RARA: variants seen among roughly 807,000 people sequenced by gnomAD.
RARA encodes PML-DDX5-RARA fusion.
A neutral mutation model predicts 42.8 loss-of-function variants in RARA; 5 were observed. That is an observed-to-expected ratio of 0.12 (90% CI 0.06 to 0.25). The LOEUF is 0.25. Ranked by LOEUF, RARA falls within the 10% of genes least tolerant of loss-of-function variation. The pLI is 1.00. For missense variants in RARA, 402 were observed against 628.7 expected, an observed-to-expected ratio of 0.64 and a Z score of 3.86; for synonymous variants, 256 against 259.5, an observed-to-expected ratio of 0.99 and a Z score of 0.13.
chr17:40,341,607 C>A (rs532579180), intron 2 of RARA: 1 of 1,356,248 alleles, frequency 7.4e-7, no homozygotes, highest in African/African-American at 1.5e-5. Context: ...GGTGATGTCA[C>A]GGGCAGCGGT....
chr17:40,348,099 C>T, intron 2 of RARA: 2 of 454,904 alleles, frequency 4.4e-6, no homozygotes, highest in East Asian at 3.6e-5. Context: ...AGGTGGGGGT[C>T]CTAGGAGTCC....
At chr17:40,353,969 G>A (rs1296374353) in intron 6 of RARA, among the ~76,000 whole-genome samples, 2 of 152,204 alleles carry the variant, frequency 1.3e-5, no homozygotes, top group South Asian at 2.1e-4. Flanking sequence ...TTCTTTGCAT[G>A]TAGGCAGGAT....
At chr17:40,341,684 G>A in intron 2 of RARA, 1 of 1,334,336 alleles carries the variant, frequency 7.5e-7, no homozygotes, top group African/African-American at 1.5e-5. Flanking sequence ...CATTGCATTA[G>A]GCAAATGAGG....
chr17:40,344,273 C>G (rs950186602), intron 2 of RARA, among the ~76,000 whole-genome samples: 5 of 152,140 alleles, frequency 3.3e-5, no homozygotes, highest in Admixed American at 2.0e-4. Flanking sequence ...CCTCTAGGGC[C>G]GAATCTGCTG....
In RARA at chr17:40,352,174, T is replaced by C. The variant is rs2143500704; in HGVS notation, c.630+104T>C. 3 of 1,477,116 alleles carry C rather than the reference T, an allele frequency of 2.0e-6. No homozygotes were observed. Among genetic ancestry groups the C allele is most frequent in the East Asian group, 4.7e-5 (2 of 42,188 alleles). 91.5% of individuals were successfully genotyped at this position (1,477,116 alleles called of 1,614,324 possible). ...TCTTGTGCCAGGCAAGATCTCTGCG[T>C]CCTTCCCTTCCCCTCTCTTCTCCCT... On this transcript the variant is annotated intron_variant, in intron 5 of 8. Coordinates refer to ENST00000254066, the MANE Select transcript of RARA (RefSeq NM_000964.4). This position sits in a 1 kb window ranked among gnomAD's most constrained non-coding sequence, Gnocchi z 4.9.
intron 3 of RARA, 125 bp from the exon 4 acceptor site, chr17:40,349,659 T>A: frequency 8.0e-7 from 1 of 1,243,534 alleles, no homozygotes. Context: ...CCTGCTCAGG[T>A]AGGCGATGGG....
intron 2 of RARA, among the ~76,000 whole-genome samples, chr17:40,344,653 G>A (rs774896538): frequency 6.6e-6 from 1 of 152,222 alleles, no homozygotes; most frequent in Non-Finnish European, 1.5e-5. Context: ...GTGGAGACCT[G>A]TCCCCACATC....
At chr17:40,334,555 G>A (rs1293345962) in intron 2 of RARA, among the ~76,000 whole-genome samples, 1 of 152,180 alleles carries the variant, frequency 6.6e-6, no homozygotes, top group Non-Finnish European at 1.5e-5. Flanking sequence ...ATTATCACAT[G>A]CCTGGCCTCA....
intron 1 of RARA, among the ~76,000 whole-genome samples, chr17:40,328,686 A>G (rs2033610563): frequency 1.3e-5 from 2 of 152,234 alleles, no homozygotes; most frequent in Admixed American, 1.3e-4. Context: ...GAATCCTACA[A>G]TACATGGTCT....
In RARA at chr17:40,331,500, G is replaced by A. The variant is rs185945409; in HGVS notation, c.178+104G>A. ...CTGTTCTGCTGTGAGTGGAAGGCACGGTGAGCGACAAGGTCTTCTCCAGTT... is the reference window on the plus strand; with the variant it reads ...CTGTTCTGCTGTGAGTGGAAGGCACAGTGAGCGACAAGGTCTTCTCCAGTT... On this transcript the variant is annotated intron_variant, in intron 2 of 8. Transcript: ENST00000254066. 8.3e-4 allele frequency: 1,111 copies of A among 1,335,406 alleles called. 7 individuals are homozygous for A. The African/African-American group carries it at 0.01, about 12-fold the overall frequency. 82.7% of individuals were successfully genotyped at this position (1,335,406 alleles called of 1,614,324 possible).
rs748455062 is a variant in RARA at position 40,356,669 on chromosome 17, CA to C, written c.*444del. ...TCGGTTGGTGACAGAGGGGGTGGGACAGGGGCGGGGGGTTCCCCCTGTACAT... is the reference window on the plus strand; with the variant it reads ...TCGGTTGGTGACAGAGGGGGTGGGACGGGGCGGGGGGTTCCCCCTGTACAT... On this transcript the variant is annotated 3_prime_UTR_variant, in exon 9 of 9. Transcript: ENST00000254066. 38 of 536,454 alleles carry C rather than the reference CA, an allele frequency of 7.1e-5. No homozygotes were observed. Among genetic ancestry groups the C allele is most frequent in the African/African-American group, 5.9e-4 (32 of 53,934 alleles). 33.2% of individuals were successfully genotyped at this position (536,454 alleles called of 1,614,324 possible). A position where few individuals can be genotyped will look rare whatever the true frequency, so the allele number is the denominator to read the frequency against.
At chr17:40,353,576 C>T (rs1423359981) in intron 6 of RARA, among the ~76,000 whole-genome samples, 11 of 152,214 alleles carry the variant, frequency 7.2e-5, no homozygotes, top group Non-Finnish European at 1.3e-4. Flanking sequence ...CCTGCCTCAG[C>T]CTCCTGAGTA....
chr17:40,349,620 A>T, intron 3 of RARA, 164 bp from the exon 4 acceptor site: 1 of 790,690 alleles, frequency 1.3e-6, no homozygotes, highest in Non-Finnish European at 2.0e-6. Flanking sequence ...GGATCCTTTT[A>T]GGTGAATCAT....
chr17:40,341,746 C>T (rs1466672038), intron 2 of RARA: 3 of 1,291,382 alleles, frequency 2.3e-6, no homozygotes, highest in Admixed American at 4.2e-5. Context: ...GACCACCCCC[C>T]TCTTCCCCGC....
chr17:40,318,553 A>C (rs961957216), intron 1 of RARA: 10 of 152,156 alleles, frequency 6.6e-5, no homozygotes, highest in African/African-American at 2.2e-4. Context: ...GGGTACCGGG[A>C]GGCTTCCGAC....
intron 2 of RARA, among the ~76,000 whole-genome samples, chr17:40,337,507 C>T (rs1776946316): frequency 2.6e-5 from 4 of 152,220 alleles, no homozygotes; most frequent in Admixed American, 2.0e-4. Context: ...ACACCATCCC[C>T]ACCCCCAAAT....
At chr17:40,337,127 A>G (rs933781139) in intron 2 of RARA, among the ~76,000 whole-genome samples, 3 of 152,262 alleles carry the variant, frequency 2.0e-5, no homozygotes, top group Non-Finnish European at 4.4e-5. Flanking sequence ...GAAGAGGGAC[A>G]TTATCCCCAC....
At chr17:40,316,716 G>T (rs961623454) in intron 1 of RARA, among the ~76,000 whole-genome samples, 4 of 152,214 alleles carry the variant, frequency 2.6e-5, no homozygotes, top group Admixed American at 6.5e-5. Context: ...GCGCGGCTGG[G>T]GGGTAAGGGG....
rs201752794 is a variant in RARA, at chr17:40,354,081, TA to T, written c.808-220del. Among the ~76,000 whole-genome samples the T allele has an allele frequency of 2.2e-3, 334 of 152,346 alleles. 5 individuals are homozygous for T. The highest frequency in any genetic ancestry group is 0.017 in the East Asian group (88 of 5,192). ...ACTCAATTCAGTTCCTCAGTTGCAT[TA>T]GCCACATTTCAAGTACTCAGTAGAC... is the stretch of plus-strand genomic sequence containing the variant. On this transcript the variant is annotated intron_variant, in intron 6 of 8. Coordinates refer to ENST00000254066, the MANE Select transcript of RARA (RefSeq NM_000964.4). This position sits in a 1 kb window ranked among gnomAD's most constrained non-coding sequence, Gnocchi z 4.5.
Sources: allele counts gnomAD v4.1 joint callset (sites outside exome capture counted in the v4.1 genomes callset), GRCh38; gene constraint gnomAD v4.1.1; non-coding constraint Gnocchi (gnomAD v3.1); transcripts MANE v1.5; gene names NCBI Gene and HGNC (gene_info 2026-07-23, HGNC 2026-07-21).